RBPJ: variants seen among roughly 807,000 people sequenced by gnomAD.
RBPJ encodes the protein recombining binding protein suppressor of hairless.
Under a neutral mutation model 67.8 loss-of-function variants are expected in RBPJ, and 9 were observed. The observed-to-expected ratio is 0.13, with a 90% CI of 0.08 to 0.23. The LOEUF (loss-of-function observed/expected upper bound fraction) is 0.23. Ranked by LOEUF, RBPJ falls within the 10% of genes least tolerant of loss-of-function variation. The probability of loss-of-function intolerance (pLI) is 1.00; values close to 1 mark genes in which losing one functional copy is unlikely to be tolerated. For synonymous variants in RBPJ, 198 were observed against 203.3 expected (o/e 0.97, Z 0.22); for missense variants, 305 against 595.6 (o/e 0.51, Z 5.08).
chr4:26,382,997 A>C (rs973405088), intron 1 of RBPJ, among the ~76,000 whole-genome samples: 3 of 152,250 alleles, frequency 2.0e-5, no homozygotes, highest in Admixed American at 1.3e-4. Context: ...TCAGGATTGC[A>C]TGCAATTAAT....
intron 1 of RBPJ, among the ~76,000 whole-genome samples, chr4:26,273,974 A>T (rs1721002167): frequency 6.6e-6 from 1 of 152,106 alleles, no homozygotes; most frequent in Non-Finnish European, 1.5e-5. Flanking sequence ...TTCTTCTTCC[A>T]TTCCCCTGCT....
chr4:26,351,227 G>A (rs1271342776), intron 1 of RBPJ, among the ~76,000 whole-genome samples: 1 of 152,158 alleles, frequency 6.6e-6, no homozygotes, highest in Non-Finnish European at 1.5e-5. Context: ...ATTAGTGCGT[G>A]ATCTCTGACA....
In RBPJ at chr4:26,265,210, G is replaced by A. The variant is rs540102523; in HGVS notation, c.-166-97236G>A. Among the ~76,000 whole-genome samples the A allele has an allele frequency of 5.1e-4, 77 of 152,288 alleles. 1 individual carries two copies. Among genetic ancestry groups the A allele is most frequent in the South Asian group, 5.0e-3 (24 of 4,822 alleles). On this transcript the variant is annotated intron_variant, in intron 1 of 4. Transcript: ENST00000512351. ...CTTACCATGCATATAAAGTCTCTTA[G>A]ATAATTTTTCCGAGCTGCCCTCTAA...
intron 1 of RBPJ, among the ~76,000 whole-genome samples, chr4:26,306,027 C>G (rs1458063023): frequency 1.2e-5 from 1 of 81,748 alleles, no homozygotes; most frequent in East Asian, 4.0e-4. Flanking sequence ...CTCAGGTGAT[C>G]CACCCACCTA....
At chr4:26,319,605 G>A (rs889388525), upstream of RBPJ, 6 of 573,406 alleles carry the variant, frequency 1.0e-5, no homozygotes, top group South Asian at 2.0e-5. Context: ...GGCAACAGGG[G>A]CACGTTCTCG....
chr4:26,359,992 T>C (rs1231095157), intron 1 of RBPJ, among the ~76,000 whole-genome samples: 2 of 152,338 alleles, frequency 1.3e-5, no homozygotes, highest in East Asian at 1.9e-4. Context: ...AATCAGAATT[T>C]AGTCATCAAA....
At chr4:26,391,781 A>C (rs1489759548) in intron 2 of RBPJ, among the ~76,000 whole-genome samples, 1 of 152,260 alleles carries the variant, frequency 6.6e-6, no homozygotes, top group Non-Finnish European at 1.5e-5. Flanking sequence ...ACAAATACCC[A>C]TTAAGGAAGT....
At chr4:26,144,267 C>CTTTTTTTTTTTTTTTTTTTTTTTTTTTT in the RBPJ span, among the ~76,000 whole-genome samples, 2 of 106,064 alleles carry the variant, frequency 1.9e-5, no homozygotes, top group African/African-American at 3.7e-5. Flanking sequence ...TAAGAAAATT[C>CTTTTTTTTTTTTTTTTTTTTTTTTTTTT]TTTTTTTTTT....
At chr4:26,316,671 C>T (rs12171449), upstream of RBPJ, among the ~76,000 whole-genome samples, 44 of 101,680 alleles carry the variant, frequency 4.3e-4, no homozygotes, top group African/African-American at 1.9e-3. Flanking sequence ...TATATATATA[C>T]ACATATATAT....
chr4:26,255,718 C>T (rs552954617), intron 1 of RBPJ, among the ~76,000 whole-genome samples: 11 of 149,772 alleles, frequency 7.3e-5, no homozygotes, highest in South Asian at 2.1e-4. Flanking sequence ...AGGACAATGG[C>T]GTGAACCCGG....
chr4:26,348,608 A>C lies in RBPJ; in HGVS notation c.20+27560A>C, dbSNP rs545836421. Among the ~76,000 whole-genome samples, 23 of 152,304 alleles carry C rather than the reference A, an allele frequency of 1.5e-4. No homozygotes were observed. The South Asian group carries it at 4.8e-3, about 32-fold the overall frequency. ...ACCAATATACTGAAATATGTACATA[A>C]ATTTGAAATGTTAAAAAGTATTTTG... is the stretch of plus-strand genomic sequence containing the variant. On this transcript the variant is annotated intron_variant, in intron 1 of 10. Transcript: ENST00000355476.
chr4:26,172,712 C>T (rs903292694), intron 1 of RBPJ, among the ~76,000 whole-genome samples: 6 of 152,072 alleles, frequency 3.9e-5, no homozygotes, highest in South Asian at 2.1e-4. Context: ...GAACTGTGCC[C>T]GATAGATGGT....
At chr4:26,129,904 C>T in the RBPJ span, among the ~76,000 whole-genome samples, 411 of 152,126 alleles carry the variant, frequency 2.7e-3, no homozygotes, top group African/African-American at 8.4e-3. Context: ...CTCTGTCTCC[C>T]AGGCTGGGGT....
At chr4:26,248,285 C>T (rs7659906) in intron 1 of RBPJ, among the ~76,000 whole-genome samples, 25,888 of 152,048 alleles carry the variant, frequency 0.17, 2,535 homozygotes, top group Non-Finnish European at 0.22. Flanking sequence ...AGCAAGATTC[C>T]ATCTCAAAAA....
chr4:26,282,083 G>T (rs1373702677), intron 1 of RBPJ, among the ~76,000 whole-genome samples: 4 of 151,318 alleles, frequency 2.6e-5, no homozygotes, highest in African/African-American at 9.7e-5. Context: ...AGTTTCTCAA[G>T]GGATTCTACA....
intron 1 of RBPJ, among the ~76,000 whole-genome samples, chr4:26,217,752 C>T (rs1314350828): frequency 2.0e-5 from 3 of 152,168 alleles, no homozygotes; most frequent in Non-Finnish European, 2.9e-5. Flanking sequence ...CCAATTCCTT[C>T]CACTATGACA....
upstream of RBPJ, among the ~76,000 whole-genome samples, chr4:26,161,666 A>G (rs1367097910): frequency 2.0e-5 from 3 of 152,214 alleles, no homozygotes; most frequent in Non-Finnish European, 4.4e-5. Context: ...AAGATAAGCT[A>G]TAAAATAAAT....
chr4:26,110,200 C>T, the RBPJ span, among the ~76,000 whole-genome samples: 2 of 152,210 alleles, frequency 1.3e-5, no homozygotes, highest in Non-Finnish European at 2.9e-5. This position sits in a 1 kb window ranked among gnomAD's most constrained non-coding sequence, Gnocchi z 4.5. Context: ...TTCAATTTCT[C>T]TGTACTTCTT....
the RBPJ span, among the ~76,000 whole-genome samples, chr4:26,135,413 T>C: frequency 4.6e-5 from 7 of 152,040 alleles, no homozygotes; most frequent in East Asian, 9.7e-4. Flanking sequence ...TAGGAAGTGG[T>C]GGACATGGGA....
Sources: allele counts gnomAD v4.1 joint callset (sites outside exome capture counted in the v4.1 genomes callset), GRCh38; gene constraint gnomAD v4.1.1; non-coding constraint Gnocchi (gnomAD v3.1); transcripts MANE v1.5; gene names NCBI Gene and HGNC (gene_info 2026-07-23, HGNC 2026-07-21).